GLIS3: variants seen among roughly 807,000 people sequenced by gnomAD.
GLIS3 encodes zinc finger protein GLIS3.
Under a neutral mutation model 78.6 loss-of-function variants are expected in GLIS3, and 53 were observed. The observed-to-expected ratio is 0.67, with a 90% confidence interval of 0.54 to 0.85. The LOEUF is 0.85. Ranked by LOEUF, GLIS3 falls within the 40% of genes least tolerant of loss-of-function variation. The pLI is 0.00. For missense variants in GLIS3, 1,703 were observed against 1,231.1 expected (o/e 1.38, Z -5.74); for synonymous variants, 684 against 509.9 (o/e 1.34, Z -4.60).
chr9:3,991,200 G>A lies in GLIS3; in HGVS notation c.1711-54011C>T, dbSNP rs573908696. On this transcript the variant is annotated intron_variant, in intron 4 of 10. Transcript: ENST00000381971. ...AGGAAGCTGTGTTTGCATTTAAAATGGGAAGGCACTTTACTGAGATGCCTT... is the reference window on the plus strand; with the variant it reads ...AGGAAGCTGTGTTTGCATTTAAAATAGGAAGGCACTTTACTGAGATGCCTT... 3.9e-5 allele frequency among the ~76,000 whole-genome samples: 6 copies of A among 152,162 alleles called. No individual in the cohort carries two copies. The South Asian group carries it at 1.0e-3, about 26-fold the overall frequency.
chr9:4,080,060 T>C (rs117063468), intron 4 of GLIS3, among the ~76,000 whole-genome samples: 1,873 of 152,348 alleles, frequency 0.012, 13 homozygotes, highest in Middle Eastern at 0.034. Flanking sequence ...TGTAAAAGTG[T>C]TTGTGCAGGA....
At chr9:3,925,213 C>G (rs1359516029) in intron 6 of GLIS3, among the ~76,000 whole-genome samples, 1 of 152,178 alleles carries the variant, frequency 6.6e-6, no homozygotes, top group Non-Finnish European at 1.5e-5. Flanking sequence ...CTATCATTTG[C>G]AAAGGAACTC....
chr9:4,254,777 T>C (rs1346573446), intron 2 of GLIS3, among the ~76,000 whole-genome samples: 1 of 150,814 alleles, frequency 6.6e-6, no homozygotes, highest in African/African-American at 2.4e-5. Flanking sequence ...GAAGCGGAGG[T>C]TGTAGTGAGC....
intron 6 of GLIS3, among the ~76,000 whole-genome samples, chr9:3,928,858 A>G (rs753673019): frequency 1.8e-4 from 28 of 152,376 alleles, no homozygotes; most frequent in Middle Eastern, 6.8e-3. Flanking sequence ...TGTGAAATGG[A>G]TGAAAGATTC....
Position 3,984,415 on chromosome 9 carries a change from G to C in GLIS3, c.1711-47226C>G, listed in dbSNP as rs147992596. Among the ~76,000 whole-genome samples the C allele has an allele frequency of 9.2e-5, 14 of 152,354 alleles. No homozygotes were observed. The East Asian group carries it at 2.7e-3, about 29-fold the overall frequency. On this transcript the variant is annotated intron_variant, in intron 4 of 10. Transcript: ENST00000381971. ...AAAGGGGATCATTTTGGAGCTCTAA[G>C]ATTTGACTGCCCCGCTGGATTTGGG...
At chr9:4,106,690 T>C (rs1482618135) in intron 4 of GLIS3, among the ~76,000 whole-genome samples, 3 of 152,218 alleles carry the variant, frequency 2.0e-5, no homozygotes, top group African/African-American at 7.2e-5. Context: ...TAAGCTACTT[T>C]ATGAACAGAT....
the GLIS3 span, among the ~76,000 whole-genome samples, chr9:4,436,985 T>A: frequency 6.6e-6 from 1 of 151,802 alleles, no homozygotes; most frequent in Non-Finnish European, 1.5e-5. Context: ...TAAATCCACA[T>A]AATAAAGAGC....
intron 6 of GLIS3, among the ~76,000 whole-genome samples, chr9:3,909,328 T>C (rs1174657596): frequency 6.6e-6 from 1 of 152,212 alleles, no homozygotes; most frequent in Non-Finnish European, 1.5e-5. Context: ...GGGGATTCCT[T>C]AGCACTGACA....
chr9:3,859,573 C>T (rs556591303), intron 8 of GLIS3, among the ~76,000 whole-genome samples: 10 of 152,176 alleles, frequency 6.6e-5, no homozygotes, highest in Admixed American at 5.2e-4. Flanking sequence ...ATCTTATTCC[C>T]CAATTATGTC....
intron 2 of GLIS3, among the ~76,000 whole-genome samples, chr9:4,324,747 T>C (rs750451900): frequency 1.3e-5 from 2 of 152,250 alleles, no homozygotes; most frequent in African/African-American, 2.4e-5. Context: ...TGTAAATCAC[T>C]TGATTTGCTT....
At chr9:3,934,515 T>C (rs1230886891) in intron 5 of GLIS3, among the ~76,000 whole-genome samples, 4 of 151,920 alleles carry the variant, frequency 2.6e-5, no homozygotes, top group Non-Finnish European at 5.9e-5. Flanking sequence ...GTTTAAGCGA[T>C]TCTCCTGCCT....
the GLIS3 span, among the ~76,000 whole-genome samples, chr9:4,478,703 C>T: frequency 2.4e-4 from 37 of 152,128 alleles, no homozygotes; most frequent in Non-Finnish European, 3.8e-4. Flanking sequence ...AGCATTTATC[C>T]TGCCTTTTCT....
intron 2 of GLIS3, among the ~76,000 whole-genome samples, chr9:4,144,555 C>G (rs1425077737): frequency 1.3e-5 from 2 of 152,018 alleles, no homozygotes; most frequent in East Asian, 3.9e-4. Context: ...GCCAAAAAGT[C>G]AGAGATGTGG....
intron 4 of GLIS3, among the ~76,000 whole-genome samples, chr9:3,979,743 T>C (rs1157936090): frequency 1.3e-5 from 2 of 152,210 alleles, no homozygotes; most frequent in Non-Finnish European, 1.5e-5. Context: ...GGCATCAATC[T>C]TGGTCTCTAC....
intron 2 of GLIS3, among the ~76,000 whole-genome samples, chr9:4,199,735 G>A (rs570471357): frequency 1.3e-5 from 2 of 152,180 alleles, no homozygotes; most frequent in East Asian, 1.9e-4. Context: ...CCCACTGACA[G>A]CATTAGACAG....
chr9:3,896,386 C>T lies in GLIS3; in HGVS notation c.2128+2305G>A, dbSNP rs183063400. On this transcript the variant is annotated intron_variant, in intron 7 of 10. Coordinates refer to ENST00000381971, the MANE Select transcript of GLIS3 (RefSeq NM_001042413.2). ...GAGGAATAAGGAAAGAAGTAGGGCC[C>T]GAGCACAGTGGCTCATGCCTGTAAT... Among the ~76,000 whole-genome samples the T allele has an allele frequency of 2.0e-4, 31 of 152,050 alleles. No homozygotes were observed. The Middle Eastern group carries it at 0.017, about 83-fold the overall frequency.
At chr9:4,162,854 C>CAAA (rs35310357) in intron 2 of GLIS3, among the ~76,000 whole-genome samples, 4 of 73,858 alleles carry the variant, frequency 5.4e-5, no homozygotes, top group Admixed American at 1.7e-4. Context: ...CTCGCTCTGT[C>CAAA]AAAAAAAAAA....
the GLIS3 span, among the ~76,000 whole-genome samples, chr9:4,452,410 A>G: frequency 6.6e-6 from 1 of 152,218 alleles, no homozygotes; most frequent in African/African-American, 2.4e-5. Flanking sequence ...ACATGATTGT[A>G]TATTTAGGAA....
At chr9:4,094,373 C>T (rs976621768) in intron 4 of GLIS3, among the ~76,000 whole-genome samples, 1 of 152,122 alleles carries the variant, frequency 6.6e-6, no homozygotes, top group African/African-American at 2.4e-5. Context: ...TGAAATCTGC[C>T]AACATTTCCT....
Sources: gnomAD v4.1 joint callset for allele counts (sites outside exome capture counted in the v4.1 genomes callset) on GRCh38, gnomAD v4.1.1 for gene constraint, MANE v1.5 for transcripts, NCBI Gene and HGNC (gene_info 2026-07-23, HGNC 2026-07-21) for gene names.